Variants in AK4 observed in about 807,000 individuals in gnomAD.
AK4 encodes the protein adenylate kinase 4.
A neutral mutation model predicts 24.6 loss-of-function variants in AK4; 13 were observed. The ratio of observed to expected loss-of-function variants is 0.53; its 90% CI spans 0.34 to 0.84. The LOEUF is 0.84. Among genes scored for constraint, AK4 ranks in the 40% least tolerant of loss-of-function variants. The pLI, the probability that AK4 is intolerant of heterozygous loss-of-function variation, is 0.01. For missense variants in AK4, 192 were observed against 288.2 expected, an observed-to-expected ratio of 0.67 and a Z score of 2.42; for synonymous variants, 88 against 107.0, an observed-to-expected ratio of 0.82 and a Z score of 1.10.
At chr1:65,162,338 T>A (rs1650194860) in intron 1 of AK4, among the ~76,000 whole-genome samples, 1 of 152,036 alleles carries the variant, frequency 6.6e-6, no homozygotes, top group Non-Finnish European at 1.5e-5. Context: ...GGGAGGAGGC[T>A]TGTATCTTGA....
chr1:65,216,141 CTT>C (rs759417513), intron 2 of AK4, among the ~76,000 whole-genome samples: 4 of 144,652 alleles, frequency 2.8e-5, no homozygotes, highest in African/African-American at 2.5e-5. Context: ...GATTGCAGTG[CTT>C]TTTTTTTTTT....
rs1453733267 is a variant in AK4, at chr1:65,230,041, G to C, written c.*3864G>C. ...TTCCATTACACATTAACATGACTCT[G>C]AATGCCAGATCCAAACCTTTGCCCA... On this transcript the variant is annotated 3_prime_UTR_variant, in exon 5 of 5. Coordinates refer to ENST00000327299, the MANE Select transcript of AK4 (RefSeq NM_013410.4). 1 of 152,196 alleles carries C rather than the reference G, an allele frequency of 6.6e-6. No individual in the cohort carries two copies. The allele number at this position is 152,196 out of a possible 1,614,324, so 9.4% of individuals were successfully genotyped here. A position where few individuals can be genotyped will look rare whatever the true frequency, so the allele number is the denominator to read the frequency against.
At chr1:65,151,849 T>A (rs1031467715) in intron 1 of AK4, among the ~76,000 whole-genome samples, 3 of 152,224 alleles carry the variant, frequency 2.0e-5, no homozygotes, top group African/African-American at 7.2e-5. Context: ...TGGTACAGGC[T>A]GAGGCTTATC....
At chr1:65,148,002 C>T (rs1437452775), upstream of AK4, 2 of 171,020 alleles carry the variant, frequency 1.2e-5, no homozygotes, top group South Asian at 1.7e-4. Flanking sequence ...GATGCCTGGC[C>T]GCCCGGCCCC....
At chr1:65,170,187 AC>A (rs900034714) in intron 1 of AK4, among the ~76,000 whole-genome samples, 1 of 151,720 alleles carries the variant, frequency 6.6e-6, no homozygotes, top group Non-Finnish European at 1.5e-5. Flanking sequence ...CCACGGTGAA[AC>A]CCCGTCTACT....
At chr1:65,148,686 G>T in intron 1 of AK4, 134 bp downstream of exon 1, 1 of 1,294,580 alleles carries the variant, frequency 7.7e-7, no homozygotes, top group Non-Finnish European at 9.9e-7. Flanking sequence ...TACGTGCCGG[G>T]GCGCATGCAG....
At chr1:65,155,308 A>G (rs1649941788) in intron 1 of AK4, among the ~76,000 whole-genome samples, 1 of 151,716 alleles carries the variant, frequency 6.6e-6, no homozygotes, top group African/African-American at 2.4e-5. Context: ...TTCTGGCTCT[A>G]CTAAAAATAC....
chr1:65,165,765 G>A (rs1022434959), intron 1 of AK4, among the ~76,000 whole-genome samples: 1 of 152,138 alleles, frequency 6.6e-6, no homozygotes, highest in Non-Finnish European at 1.5e-5. Context: ...GCGGTCTAGG[G>A]TAACAGTAAT....
intron 2 of AK4, among the ~76,000 whole-genome samples, chr1:65,200,690 G>A (rs892465068): frequency 1.3e-5 from 2 of 152,122 alleles, no homozygotes; most frequent in African/African-American, 2.4e-5. Flanking sequence ...TTTTCGATAA[G>A]TATTTATTGA....
Position 65,154,437 on chromosome 1 carries a change from G to A in AK4, c.145+5885G>A. 3 of 473,180 alleles carry A rather than the reference G, an allele frequency of 6.3e-6. No homozygotes were observed. The East Asian group carries it at 1.7e-4, about 27-fold the overall frequency. The allele number at this position is 473,180 out of a possible 1,614,324, so 29.3% of individuals were successfully genotyped here. A position where few individuals can be genotyped will look rare whatever the true frequency, so the allele number is the denominator to read the frequency against. On this transcript the variant is annotated intron_variant, in intron 1 of 4. Transcript: ENST00000327299. ...ATGCCCTTGGAAGAGCACATGCATG[G>A]GCTAGCTCCTTCCTTTTATCTTGTT...
chr1:65,154,383 G>T, intron 1 of AK4: 1 of 361,868 alleles, frequency 2.8e-6, no homozygotes, highest in South Asian at 2.0e-5. Flanking sequence ...TGGAACATTT[G>T]GGTTATTTGC....
chr1:65,198,108 T>C (rs966410316), intron 2 of AK4, among the ~76,000 whole-genome samples: 1 of 152,220 alleles, frequency 6.6e-6, no homozygotes, highest in Non-Finnish European at 1.5e-5. Context: ...CATTTATCTT[T>C]AAATATTTAG....
chr1:65,195,454 G>C (rs1263871915), intron 2 of AK4, among the ~76,000 whole-genome samples: 3 of 152,176 alleles, frequency 2.0e-5, no homozygotes, highest in Non-Finnish European at 4.4e-5. Context: ...TTTAAATTGT[G>C]AGTCTTCTCA....
intron 1 of AK4, among the ~76,000 whole-genome samples, chr1:65,167,382 A>G (rs942217666): frequency 5.9e-5 from 9 of 152,298 alleles, no homozygotes; most frequent in South Asian, 4.1e-4. Context: ...ATATATGAGT[A>G]CAGTTTCCCA....
At chr1:65,149,925 G>A (rs1363182557) in intron 1 of AK4, among the ~76,000 whole-genome samples, 1 of 152,200 alleles carries the variant, frequency 6.6e-6, no homozygotes, top group Non-Finnish European at 1.5e-5. Flanking sequence ...GCGGCCTGAG[G>A]GGGAAGGCTG....
At chr1:65,177,203 G>A (rs1650746921) in intron 1 of AK4, among the ~76,000 whole-genome samples, 1 of 151,478 alleles carries the variant, frequency 6.6e-6, no homozygotes, top group African/African-American at 2.4e-5. Flanking sequence ...GAAGACGGGT[G>A]TATTCCATAT....
At chr1:65,193,812 T>C (rs566572532) in intron 2 of AK4, among the ~76,000 whole-genome samples, 22 of 152,364 alleles carry the variant, frequency 1.4e-4, no homozygotes, top group Non-Finnish European at 2.4e-4. Flanking sequence ...ACTGTATTTA[T>C]TGAAAAAATC....
intron 2 of AK4, among the ~76,000 whole-genome samples, chr1:65,214,320 AG>A (rs1238980962): frequency 5.3e-5 from 8 of 152,128 alleles, no homozygotes; most frequent in African/African-American, 1.9e-4. Context: ...CATGTTGGCC[AG>A]GCTGGTCTTG....
rs553122906 is a variant in AK4, at chr1:65,179,386, C to A, written c.146-11324C>A. Among the ~76,000 whole-genome samples the A allele has an allele frequency of 2.6e-5, 4 of 152,260 alleles. No homozygotes were observed. In the South Asian group the frequency reaches 6.2e-4, roughly 24 times the overall value. On this transcript the variant is annotated intron_variant, in intron 1 of 4. Transcript: ENST00000327299. ...AAGAAAATGGACTGGGGCCAACTTG[C>A]TTGAAGTTGAGTCTGGGCTGTATGA...
Sources: gnomAD v4.1 joint callset for allele counts (sites outside exome capture counted in the v4.1 genomes callset) on GRCh38, gnomAD v4.1.1 for gene constraint, MANE v1.5 for transcripts, NCBI Gene and HGNC (gene_info 2026-07-23, HGNC 2026-07-21) for gene names.